Variants in CPPED1 observed in about 807,000 individuals in gnomAD.
CPPED1 encodes serine/threonine-protein phosphatase CPPED1.
A neutral mutation model predicts 28.0 loss-of-function variants in CPPED1; 28 were observed. The ratio of observed to expected loss-of-function variants is 1.00; its 90% CI spans 0.74 to 1.37. The LOEUF is 1.37. Ranked by LOEUF, CPPED1 falls within the 40% of genes most tolerant of loss-of-function variation. CPPED1 has a pLI of 0.00. For synonymous variants in CPPED1, 198 were observed against 180.2 expected (o/e 1.10, Z -0.79); for missense variants, 504 against 416.5 (o/e 1.21, Z -1.83).
chr16:12,791,168 T>C (rs2080594319), intron 1 of CPPED1, among the ~76,000 whole-genome samples: 1 of 152,026 alleles, frequency 6.6e-6, no homozygotes, highest in Non-Finnish European at 1.5e-5. Flanking sequence ...CTCTAGGTTT[T>C]AAGCCCCGCA....
At chr16:12,765,801 T>C (rs977615313) in intron 2 of CPPED1, among the ~76,000 whole-genome samples, 3 of 152,216 alleles carry the variant, frequency 2.0e-5, no homozygotes, top group Non-Finnish European at 4.4e-5. Context: ...GCGAAATATA[T>C]GTCCTCACCC....
At chr16:12,717,045 G>A (rs1047421834) in intron 2 of CPPED1, among the ~76,000 whole-genome samples, 2 of 152,142 alleles carry the variant, frequency 1.3e-5, no homozygotes, top group South Asian at 4.1e-4. Flanking sequence ...TGCTGAACAG[G>A]GGGAAAGAAG....
At chr16:12,703,130 G>A (rs763597715) in intron 3 of CPPED1, among the ~76,000 whole-genome samples, 13 of 152,066 alleles carry the variant, frequency 8.5e-5, no homozygotes, top group Non-Finnish European at 1.9e-4. Flanking sequence ...TGCTCATGCC[G>A]CCTTGACGCT....
At chr16:12,690,507 C>T (rs1187648778) in intron 3 of CPPED1, among the ~76,000 whole-genome samples, 4 of 150,988 alleles carry the variant, frequency 2.6e-5, no homozygotes, top group Non-Finnish European at 5.9e-5. Context: ...GCGCAAGACT[C>T]CTTCTCAAGA....
chr16:12,716,268 T>C (rs2080106660), intron 2 of CPPED1, among the ~76,000 whole-genome samples: 1 of 152,250 alleles, frequency 6.6e-6, no homozygotes. Context: ...GGTGCTGCTA[T>C]AAGGTATGTA....
intron 3 of CPPED1, among the ~76,000 whole-genome samples, chr16:12,683,977 G>A (rs781662779): frequency 6.6e-6 from 1 of 152,134 alleles, no homozygotes; most frequent in Non-Finnish European, 1.5e-5. Context: ...ATGGCTGCAG[G>A]GCTTCCGGGC....
chr16:12,782,443 A>G lies in CPPED1; in HGVS notation c.71-1040T>C, dbSNP rs371450700. Among the ~76,000 whole-genome samples the G allele has an allele frequency of 2.5e-4, 38 of 152,018 alleles. 1 individual carries two copies. In the East Asian group the frequency reaches 6.8e-3, roughly 27 times the overall value. ...AGGACCCCCGATCTACAGCCCCCTC[A>G]TTTATCCTCTGAAGAAACTGAGGCC... is the stretch of plus-strand genomic sequence containing the variant. On this transcript the variant is annotated intron_variant, in intron 1 of 3. Transcript: ENST00000381774.
At chr16:12,744,202 G>C (rs974308570) in intron 2 of CPPED1, among the ~76,000 whole-genome samples, 3 of 151,690 alleles carry the variant, frequency 2.0e-5, no homozygotes, top group Admixed American at 2.0e-4. Flanking sequence ...CGTGAACCCA[G>C]GAGGCGGAGC....
intron 2 of CPPED1, among the ~76,000 whole-genome samples, chr16:12,764,318 C>A (rs1214752895): frequency 6.6e-6 from 1 of 152,090 alleles, no homozygotes; most frequent in Non-Finnish European, 1.5e-5. Flanking sequence ...ATTCTCGTGC[C>A]TCAGCCTCCC....
At chr16:12,673,702 G>A (rs1567272255) in intron 3 of CPPED1, among the ~76,000 whole-genome samples, 1 of 152,254 alleles carries the variant, frequency 6.6e-6, no homozygotes, top group East Asian at 1.9e-4. Context: ...CACAGAAAAT[G>A]TGACCAAACG....
chr16:12,686,539 C>T (rs2079934442), intron 3 of CPPED1, among the ~76,000 whole-genome samples: 1 of 152,194 alleles, frequency 6.6e-6, no homozygotes, highest in Non-Finnish European at 1.5e-5. Context: ...ATTTCTATTC[C>T]TGTGAAATTG....
intron 2 of CPPED1, among the ~76,000 whole-genome samples, chr16:12,749,957 G>C (rs1167023774): frequency 1.3e-5 from 2 of 152,106 alleles, no homozygotes; most frequent in African/African-American, 4.8e-5. Flanking sequence ...AGTTTACTTT[G>C]CCCAGATCCA....
At chr16:12,745,175 C>T (rs1567293316) in intron 2 of CPPED1, among the ~76,000 whole-genome samples, 1 of 152,028 alleles carries the variant, frequency 6.6e-6, no homozygotes, top group African/African-American at 2.4e-5. Context: ...ATCCCTCAAA[C>T]AGAGGTGGGG....
chr16:12,778,959 G>A (rs760432737), intron 2 of CPPED1, among the ~76,000 whole-genome samples: 2 of 152,120 alleles, frequency 1.3e-5, no homozygotes, highest in African/African-American at 2.4e-5. Context: ...ACCAACTGGC[G>A]GGGCTGATCA....
chr16:12,690,194 G>A lies in CPPED1; in HGVS notation c.715+14430C>T, dbSNP rs376716252. Among the ~76,000 whole-genome samples the A allele has an allele frequency of 7.6e-4, 116 of 152,232 alleles. 1 individual carries two copies. Among genetic ancestry groups the A allele is most frequent in the African/African-American group, 2.6e-3 (110 of 41,528 alleles). ...GCCAGAGTCTGCGGGGGTGGGTACA[G>A]ATCCCTCCCTGTTTCATGAAAGACA... On this transcript the variant is annotated intron_variant, in intron 3 of 3. Transcript: ENST00000381774.
intron 1 of CPPED1, among the ~76,000 whole-genome samples, chr16:12,792,020 T>G (rs1424903952): frequency 1.3e-5 from 2 of 152,088 alleles, no homozygotes; most frequent in East Asian, 3.9e-4. Flanking sequence ...GGCACGATCT[T>G]GGCTCAAAGC....
At chr16:12,716,620 T>A (rs1227641515) in intron 2 of CPPED1, among the ~76,000 whole-genome samples, 1 of 152,208 alleles carries the variant, frequency 6.6e-6, no homozygotes. Flanking sequence ...CGCAACCTAA[T>A]GAAAAGTCAA....
rs1201919650 is a variant in CPPED1 at position 12,660,522 on chromosome 16, TG to T, written c.*4363del. 6.6e-6 allele frequency: 1 copy of T among 151,958 alleles called. No individual in the cohort carries two copies. 9.4% of individuals were successfully genotyped at this position (151,958 alleles called of 1,614,324 possible). On this transcript the variant is annotated 3_prime_UTR_variant, in exon 4 of 4. Transcript: ENST00000381774. Reference sequence around the variant, plus strand: ...ATGTGTGTGTGTGTGTGTGTGTGTGTGTGTGTGTGTGTACTCATTAAAAAAT... The same window carrying T: ...ATGTGTGTGTGTGTGTGTGTGTGTGTTGTGTGTGTGTACTCATTAAAAAAT...
At chr16:12,755,081 G>A (rs2080356540) in intron 2 of CPPED1, among the ~76,000 whole-genome samples, 2 of 152,070 alleles carry the variant, frequency 1.3e-5, no homozygotes, top group Admixed American at 1.3e-4. Flanking sequence ...GAAGCTGCAG[G>A]CAAATGTGGC....
Sources: allele counts gnomAD v4.1 joint callset (sites outside exome capture counted in the v4.1 genomes callset), GRCh38; gene constraint gnomAD v4.1.1; transcripts MANE v1.5; gene names NCBI Gene and HGNC (gene_info 2026-07-23, HGNC 2026-07-21).